The following TMEM132B variants were observed in gnomAD, a reference collection of about 807,000 sequenced individuals.
TMEM132B encodes the protein transmembrane protein 132B.
In TMEM132B, 18 loss-of-function variants were observed where a neutral mutation model predicts 90.8. The ratio of observed to expected loss-of-function variants is 0.20; its 90% CI spans 0.14 to 0.29. The LOEUF is 0.29. Among genes scored for constraint, TMEM132B ranks in the 10% least tolerant of loss-of-function variants. The probability of loss-of-function intolerance (pLI) is 1.00; values close to 1 mark genes in which losing one functional copy is unlikely to be tolerated. For missense variants in TMEM132B, 1,096 were observed against 1,326.8 expected, an observed-to-expected ratio of 0.83 and a Z score of 2.70; for synonymous variants, 504 against 523.3, an observed-to-expected ratio of 0.96 and a Z score of 0.50.
At chr12:125,350,389 T>C (rs1358189573) in intron 2 of TMEM132B, 46 bp downstream of exon 2, 2 of 1,541,614 alleles carry the variant, frequency 1.3e-6, no homozygotes, top group Admixed American at 2.0e-5. Context: ...CAACTCTTAG[T>C]AATCAATGAA....
intron 3 of TMEM132B, among the ~76,000 whole-genome samples, chr12:125,494,836 C>T: frequency 2.1e-5 from 2 of 94,532 alleles, no homozygotes; most frequent in Admixed American, 9.8e-5. Flanking sequence ...CCCCCTCCTC[C>T]CCCTCCTCCC....
chr12:125,208,191 A>C (rs1376475136), intron 1 of TMEM132B, among the ~76,000 whole-genome samples: 1 of 152,202 alleles, frequency 6.6e-6, no homozygotes, highest in African/African-American at 2.4e-5. Flanking sequence ...TGTAACTAGT[A>C]TCAGTTAGGC....
At chr12:125,414,876 G>T (rs1396694208) in intron 2 of TMEM132B, among the ~76,000 whole-genome samples, 1 of 152,192 alleles carries the variant, frequency 6.6e-6, no homozygotes, top group African/African-American at 2.4e-5. Context: ...AGCAGTGTAC[G>T]AAAAGAAAGA....
Position 125,415,753 on chromosome 12 carries a change from T to C in TMEM132B, c.1106+76T>C, listed in dbSNP as rs1264471518. ...GCTGCCAGAGCTGATAGCAAAATAA[T>C]GTGCGTGTGGATAAAGCGATGCCTC... is the stretch of plus-strand genomic sequence containing the variant. On this transcript the variant is annotated intron_variant, in intron 3 of 8. Transcript: ENST00000682704. The surrounding 1 kb of genome is among the most constrained non-coding windows in gnomAD (Gnocchi z 5.3). The C allele has an allele frequency of 8.3e-6, 13 of 1,559,166 alleles. No homozygotes were observed. Among genetic ancestry groups the C allele is most frequent in the Admixed American group, 1.9e-5 (1 of 52,830 alleles).
At chr12:125,488,436 C>T (rs1260925151) in intron 3 of TMEM132B, among the ~76,000 whole-genome samples, 2 of 152,132 alleles carry the variant, frequency 1.3e-5, no homozygotes, top group Admixed American at 6.5e-5. Flanking sequence ...TCTCATGTGT[C>T]GTTTGAGGAA....
intron 1 of TMEM132B, among the ~76,000 whole-genome samples, chr12:125,297,409 G>A (rs757592007): frequency 1.3e-5 from 2 of 152,112 alleles, no homozygotes; most frequent in African/African-American, 2.4e-5. Context: ...TGTGTGGAGC[G>A]TCCTGGGGAA....
chr12:125,252,787 C>T (rs1267133450), intron 1 of TMEM132B, among the ~76,000 whole-genome samples: 2 of 152,156 alleles, frequency 1.3e-5, no homozygotes, highest in African/African-American at 4.8e-5. Context: ...ACCCACAGTT[C>T]CTCCCCGTTT....
At chr12:125,298,050 C>T (rs1334788269) in intron 1 of TMEM132B, among the ~76,000 whole-genome samples, 3 of 152,098 alleles carry the variant, frequency 2.0e-5, no homozygotes, top group South Asian at 2.1e-4. Flanking sequence ...CCCAGGAGTT[C>T]GAGACCAGTC....
rs116054788 is a variant in TMEM132B, at chr12:125,493,643, G to A, written c.1107-25796G>A. On this transcript the variant is annotated intron_variant, in intron 3 of 8. Coordinates refer to ENST00000682704, the MANE Select transcript of TMEM132B (RefSeq NM_001366854.1). ...TCTTGCTGCTGGCTTCTGGCTGGGC[G>A]CTGCCAGTGCACTGGCATTGATGGG... Among the ~76,000 whole-genome samples the A allele has an allele frequency of 5.2e-3, 791 of 152,226 alleles. 2 individuals carry two copies. Among genetic ancestry groups the A allele is most frequent in the African/African-American group, 0.018 (750 of 41,526 alleles).
intron 4 of TMEM132B, among the ~76,000 whole-genome samples, chr12:125,577,607 T>G (rs1024233601): frequency 5.8e-4 from 88 of 150,818 alleles, no homozygotes; most frequent in Non-Finnish European, 1.0e-4. Context: ...ACTTAACATT[T>G]TTTCTACTCT....
At chr12:125,205,527 T>C (rs1439314650) in intron 1 of TMEM132B, among the ~76,000 whole-genome samples, 1 of 152,246 alleles carries the variant, frequency 6.6e-6, no homozygotes, top group African/African-American at 2.4e-5. Flanking sequence ...TGTTCAGCCC[T>C]TTATGTGGAG....
At position 125,245,724 on chromosome 12, in the gene TMEM132B, A is replaced by C. The variant is rs770956180; in HGVS notation, c.67+58858A>C. On this transcript the variant is annotated intron_variant, in intron 1 of 8. Transcript: ENST00000682704. ...ACTTAGCCCTGGGAACAGGCCTGGC[A>C]GCATTGGTTCTTCTGCCAGGTGGGC... Among the ~76,000 whole-genome samples, 3 of 152,300 alleles carry C rather than the reference A, an allele frequency of 2.0e-5. No homozygotes were observed. In the South Asian group the frequency reaches 6.2e-4, roughly 32 times the overall value.
In TMEM132B at chr12:125,474,136, C is replaced by G. The variant is rs547782363; in HGVS notation, c.1107-45303C>G. On this transcript the variant is annotated intron_variant, in intron 3 of 8. Transcript: ENST00000682704. ...CTTTCTGTCATTTTCTTTCCTCTCT[C>G]TCTCGCCTTCCTGCCTTCTTTTTCT... Among the ~76,000 whole-genome samples the G allele has an allele frequency of 6.8e-5, 10 of 147,866 alleles. No homozygotes were observed. In the East Asian group the frequency reaches 9.9e-4, roughly 15 times the overall value.
At chr12:125,192,939 TCTC>T (rs1872831230) in intron 1 of TMEM132B, among the ~76,000 whole-genome samples, 1 of 152,170 alleles carries the variant, frequency 6.6e-6, no homozygotes, top group Non-Finnish European at 1.5e-5. Context: ...CCCTGGCTGT[TCTC>T]ATTACAAGGC....
chr12:125,470,648 A>T (rs965095613), intron 3 of TMEM132B, among the ~76,000 whole-genome samples: 7 of 152,184 alleles, frequency 4.6e-5, no homozygotes, highest in African/African-American at 1.7e-4. Context: ...GGCAAAAAGA[A>T]ATAGCAAAGA....
At chr12:125,484,891 C>T (rs1882161352) in intron 3 of TMEM132B, among the ~76,000 whole-genome samples, 1 of 152,140 alleles carries the variant, frequency 6.6e-6, no homozygotes, top group South Asian at 2.1e-4. Context: ...AGGTGTGAGC[C>T]ACTGCACCCT....
chr12:125,432,501 A>ATATGTG lies in TMEM132B; in HGVS notation c.1106+16825_1106+16826insATGTGT, dbSNP rs1555248839. Among the ~76,000 whole-genome samples, 25 of 29,996 alleles carry ATATGTG rather than the reference A, an allele frequency of 8.3e-4. 6 individuals carry two copies. Among genetic ancestry groups the ATATGTG allele is most frequent in the African/African-American group, 7.3e-3 (21 of 2,880 alleles). The allele number at this position is 29,996 out of a possible 152,430, so 19.7% of individuals were successfully genotyped here. ...TGTATATATATGTATGTGTATATAT[A>ATATGTG]TGTGTGTGTGTATATATATATATAT... On this transcript the variant is annotated intron_variant, in intron 3 of 8. Transcript: ENST00000682704.
chr12:125,227,915 G>A (rs1873718312), intron 1 of TMEM132B, among the ~76,000 whole-genome samples: 1 of 152,186 alleles, frequency 6.6e-6, no homozygotes, highest in African/African-American at 2.4e-5. Context: ...TTGCTCAGCA[G>A]GACTGGGCAC....
chr12:125,642,931 G>C lies in TMEM132B; in HGVS notation c.1438-1145G>C, dbSNP rs189833564. ...TTTCCAAGGAAGCACATTCGTATTA[G>C]TGCCATTTTTTTTTGGCGGGGTGGG... On this transcript the variant is annotated intron_variant, in intron 5 of 8. Transcript: ENST00000682704. 2.1e-3 allele frequency among the ~76,000 whole-genome samples: 322 copies of C among 151,340 alleles called. 3 individuals are homozygous for C. The Middle Eastern group carries it at 0.027, about 13-fold the overall frequency.
Sources: allele counts gnomAD v4.1 joint callset (sites outside exome capture counted in the v4.1 genomes callset), GRCh38; gene constraint gnomAD v4.1.1; non-coding constraint Gnocchi (gnomAD v3.1); transcripts MANE v1.5; gene names NCBI Gene and HGNC (gene_info 2026-07-23, HGNC 2026-07-21).